LTBP1: variants seen among roughly 807,000 people sequenced by gnomAD.
LTBP1 encodes the protein latent transforming growth factor beta binding protein 1, also known as latent-transforming growth factor beta-binding protein 1.
A neutral mutation model predicts 207.6 loss-of-function variants in LTBP1; 129 were observed. That is an observed-to-expected ratio of 0.62 (90% CI 0.54 to 0.72). The LOEUF (loss-of-function observed/expected upper bound fraction) is 0.72. Ranked by LOEUF, LTBP1 falls within the 30% of genes least tolerant of loss-of-function variation. LTBP1 has a pLI of 0.00. For missense variants in LTBP1, 2,281 were observed against 2,217.2 expected, an observed-to-expected ratio of 1.03 and a Z score of -0.58; for synonymous variants, 963 against 833.7, an observed-to-expected ratio of 1.16 and a Z score of -2.67.
chr2:33,225,578 C>T (rs1412201005), intron 9 of LTBP1, among the ~76,000 whole-genome samples: 1 of 152,192 alleles, frequency 6.6e-6, no homozygotes, highest in Non-Finnish European at 1.5e-5. Flanking sequence ...ACCACAAGAA[C>T]AGCAAGGGAA....
At chr2:33,296,835 T>C (rs1255088098) in intron 20 of LTBP1, among the ~76,000 whole-genome samples, 1 of 152,158 alleles carries the variant, frequency 6.6e-6, no homozygotes. Flanking sequence ...AGCCTTACTT[T>C]TCTCATCTGC....
Position 33,364,362 on chromosome 2 carries a change from T to G in LTBP1, c.4540+6T>G. On this transcript the variant is annotated splice_donor_region_variant and intron_variant, in intron 30 of 33. Coordinates refer to ENST00000404816, the MANE Select transcript of LTBP1 (RefSeq NM_206943.4). ...ACGACCGGCTGAGTCAAACGGTATG[T>G]TTCCAGGAGATGCAAACCTGTGTCC... 1 of 1,608,904 alleles carries G rather than the reference T, an allele frequency of 6.2e-7. No homozygotes were observed. The highest frequency in any genetic ancestry group is 8.5e-7 in the Non-Finnish European group (1 of 1,178,634).
intron 2 of LTBP1, among the ~76,000 whole-genome samples, chr2:32,965,193 CTT>C (rs1349670238): frequency 1.3e-5 from 2 of 152,088 alleles, no homozygotes; most frequent in African/African-American, 2.4e-5. Context: ...TTTAAATAGA[CTT>C]TTGAGAGAAG....
intron 5 of LTBP1, among the ~76,000 whole-genome samples, chr2:33,174,854 A>T (rs1351595258): frequency 6.6e-6 from 1 of 151,836 alleles, no homozygotes; most frequent in Non-Finnish European, 1.5e-5. Context: ...ATAACGCCGC[A>T]TATCTACAAC....
intron 24 of LTBP1, among the ~76,000 whole-genome samples, chr2:33,316,894 A>G (rs2094281578): frequency 6.6e-6 from 1 of 152,198 alleles, no homozygotes. Context: ...GCTCTAAATC[A>G]TGGATGGTAA....
At chr2:33,181,878 C>G (rs1203243173) in intron 5 of LTBP1, among the ~76,000 whole-genome samples, 3 of 152,122 alleles carry the variant, frequency 2.0e-5, no homozygotes, top group East Asian at 1.9e-4. Flanking sequence ...GTGGCATGAA[C>G]TTTTGAAACA....
chr2:33,128,245 A>G (rs1405795180), intron 4 of LTBP1, among the ~76,000 whole-genome samples: 4 of 152,250 alleles, frequency 2.6e-5, no homozygotes, highest in Admixed American at 6.5e-5. Context: ...TTGAAAGACA[A>G]CAAATGTGGG....
At chr2:33,347,140 A>AAAAC (rs1391083497) in intron 25 of LTBP1, among the ~76,000 whole-genome samples, 3 of 151,798 alleles carry the variant, frequency 2.0e-5, no homozygotes, top group African/African-American at 7.3e-5. Context: ...AAAAAAAAAA[A>AAAAC]ACCTAAATTC....
intron 3 of LTBP1, among the ~76,000 whole-genome samples, chr2:33,042,780 G>T (rs533575647): frequency 1.3e-5 from 2 of 152,108 alleles, no homozygotes; most frequent in African/African-American, 2.4e-5. Context: ...TACAATAGGC[G>T]GCAATTTTTG....
At chr2:33,135,884 A>C (rs1278178528) in intron 5 of LTBP1, among the ~76,000 whole-genome samples, 2 of 152,168 alleles carry the variant, frequency 1.3e-5, no homozygotes, top group African/African-American at 4.8e-5. Context: ...CACAAGAATA[A>C]CCCAAATGTC....
intron 7 of LTBP1, among the ~76,000 whole-genome samples, chr2:33,202,521 C>T (rs1347025100): frequency 6.6e-6 from 1 of 152,176 alleles, no homozygotes; most frequent in African/African-American, 2.4e-5. Flanking sequence ...AAGCCTAAAT[C>T]TATGATTACA....
chr2:33,191,049 C>T (rs2087811530), intron 7 of LTBP1, among the ~76,000 whole-genome samples: 1 of 152,154 alleles, frequency 6.6e-6, no homozygotes, highest in African/African-American at 2.4e-5. Flanking sequence ...AATTTCGTGC[C>T]ATTTGCATTG....
chr2:33,167,653 G>A (rs1474011618), intron 5 of LTBP1, among the ~76,000 whole-genome samples: 2 of 152,248 alleles, frequency 1.3e-5, no homozygotes, highest in African/African-American at 2.4e-5. Flanking sequence ...CAGCAGAGGT[G>A]TGGGTGGAAG....
In LTBP1 at chr2:33,217,666, T is replaced by C. The variant is rs2090812246; in HGVS notation, c.1804+12T>C. 1 of 1,584,222 alleles carries C rather than the reference T, an allele frequency of 6.3e-7. No homozygotes were observed. The highest frequency in any genetic ancestry group is 1.3e-5 in the African/African-American group (1 of 74,330). On this transcript the variant is annotated intron_variant, in intron 8 of 33. Coordinates refer to ENST00000404816, the MANE Select transcript of LTBP1 (RefSeq NM_206943.4). Reference sequence around the variant, plus strand: ...CCCCAAGAAACCATGTAAGTAATGTTTCCTCACTCCTTTGCAGGTTAATGT... The same window carrying C: ...CCCCAAGAAACCATGTAAGTAATGTCTCCTCACTCCTTTGCAGGTTAATGT...
chr2:33,183,323 C>T (rs1018955160), intron 5 of LTBP1, among the ~76,000 whole-genome samples: 1 of 152,122 alleles, frequency 6.6e-6, no homozygotes, highest in African/African-American at 2.4e-5. Flanking sequence ...TGATTTTTAT[C>T]CCTCTGAGAT....
At chr2:32,992,239 G>T (rs970200319) in intron 2 of LTBP1, among the ~76,000 whole-genome samples, 6 of 152,180 alleles carry the variant, frequency 3.9e-5, no homozygotes, top group African/African-American at 1.4e-4. Flanking sequence ...AAAGCACACA[G>T]ATTGATACAA....
chr2:33,282,317 A>G (rs1270712865), intron 19 of LTBP1, among the ~76,000 whole-genome samples: 1 of 152,138 alleles, frequency 6.6e-6, no homozygotes, highest in Non-Finnish European at 1.5e-5. Context: ...TTTAGGCTCT[A>G]CATAATCTAC....
At chr2:33,252,645 A>C (rs1191444238) in intron 10 of LTBP1, 32 bp from the exon 11 acceptor site, 2 of 1,577,902 alleles carry the variant, frequency 1.3e-6, no homozygotes, top group Middle Eastern at 1.7e-4. Flanking sequence ...TTGGTTTCTC[A>C]TGTAATGTCG....
chr2:33,013,563 TTC>T (rs1353507182), intron 2 of LTBP1, among the ~76,000 whole-genome samples: 1 of 152,236 alleles, frequency 6.6e-6, no homozygotes, highest in Non-Finnish European at 1.5e-5. Context: ...TTTTAACTTT[TTC>T]TTTTTTTTCA....
Sources: gnomAD v4.1 joint callset for allele counts (sites outside exome capture counted in the v4.1 genomes callset) on GRCh38, gnomAD v4.1.1 for gene constraint, MANE v1.5 for transcripts, NCBI Gene and HGNC (gene_info 2026-07-23, HGNC 2026-07-21) for gene names.